Variants in VIP observed in about 807,000 individuals in gnomAD.
VIP encodes the protein vasoactive intestinal peptide.
VIP carries 18 observed loss-of-function variants against 20.1 expected under a neutral mutation model. The observed-to-expected ratio is 0.90, with a 90% CI of 0.62 to 1.33. The LOEUF (loss-of-function observed/expected upper bound fraction) is 1.33. VIP is among the 40% of genes most tolerant of loss of function. The pLI, the probability that VIP is intolerant of heterozygous loss-of-function variation, is 0.00. For synonymous variants in VIP, 70 were observed against 68.1 expected (o/e 1.03, Z -0.14); for missense variants, 209 against 199.4 (o/e 1.05, Z -0.29).
intron 5 of VIP, 151 bp from the exon 6 acceptor site, chr6:152,756,945 A>G (rs1225149548): frequency 3.4e-6 from 2 of 596,182 alleles, no homozygotes; most frequent in East Asian, 2.9e-5. Flanking sequence ...TGAATAATTC[A>G]TAGGTACTAA....
chr6:152,751,411 A>G (rs2099729611), intron 1 of VIP, among the ~76,000 whole-genome samples: 1 of 152,138 alleles, frequency 6.6e-6, no homozygotes, highest in African/African-American at 2.4e-5. Flanking sequence ...CAGCAAGAGA[A>G]ACAGACCTTA....
intron 5 of VIP, 65 bp downstream of exon 5, chr6:152,756,330 A>G: frequency 6.5e-7 from 1 of 1,536,978 alleles, no homozygotes; most frequent in Non-Finnish European, 8.8e-7. Context: ...GAAGCTGCAC[A>G]TGGAGACCTC....
Position 152,757,135 on chromosome 6 carries a change from A to C in VIP, c.507A>C (p.Glu169Asp). ...CTCCCGACTTTCCAGAAGAGTTAGA[A>C]AAATGATGAAAAAGACCTTTGGAGC... ...GESPDFPEELEK is the reference protein window; with the variant it reads ...GESPDFPEELDK Residue 169 changes from glutamate to aspartate, a missense_variant, in exon 6 of 7, where the codon GAA becomes GAC. Physicochemically the swap from Glu to Asp is conservative, Grantham distance 45. Transcript: ENST00000367244. 1 of 1,611,776 alleles carries C rather than the reference A, an allele frequency of 6.2e-7. No homozygotes were observed. The highest frequency in any genetic ancestry group is 8.5e-7 in the Non-Finnish European group (1 of 1,178,628).
intron 2 of VIP, among the ~76,000 whole-genome samples, chr6:152,753,391 A>C (rs978743959): frequency 6.6e-6 from 1 of 152,136 alleles, no homozygotes; most frequent in Admixed American, 6.6e-5. Context: ...CTGCACACAC[A>C]AAATTATAAG....
chr6:152,751,670 T>A (rs1233026841), intron 1 of VIP, among the ~76,000 whole-genome samples: 1 of 152,126 alleles, frequency 6.6e-6, no homozygotes, highest in Admixed American at 6.6e-5. Flanking sequence ...ATATACAAAA[T>A]CTTTTTTAAA....
At chr6:152,756,015 T>G in intron 4 of VIP, 119 bp from the exon 5 acceptor site, 1 of 1,093,916 alleles carries the variant, frequency 9.1e-7, no homozygotes, top group Non-Finnish European at 1.2e-6. Context: ...AGTCTTTTTA[T>G]GATAGAAAAT....
intron 3 of VIP, 45 bp from the exon 4 acceptor site, chr6:152,755,224 A>G (rs1020039252): frequency 2.3e-6 from 3 of 1,276,602 alleles, no homozygotes; most frequent in African/African-American, 1.5e-5. Context: ...ATATTCTAGA[A>G]AGCCATTTAC....
At chr6:152,756,079 G>A (rs1351017926) in intron 4 of VIP, 55 bp from the exon 5 acceptor site, 12 of 1,444,456 alleles carry the variant, frequency 8.3e-6, no homozygotes, top group Non-Finnish European at 1.1e-5. Flanking sequence ...GAACATGTGT[G>A]TATTTATCAT....
At chr6:152,753,423 G>A (rs2129074298) in intron 2 of VIP, among the ~76,000 whole-genome samples, 1 of 152,126 alleles carries the variant, frequency 6.6e-6, no homozygotes, top group Non-Finnish European at 1.5e-5. Flanking sequence ...ATTGAAATAT[G>A]CATGCATCCA....
intron 5 of VIP, 100 bp downstream of exon 5, chr6:152,756,365 TACGTGAAGC>T: frequency 7.6e-7 from 1 of 1,323,950 alleles, no homozygotes. Flanking sequence ...CTAGCTATAC[TACGTGAAGC>T]AGTGATTTTC....
In VIP at chr6:152,756,222, G is replaced by T. The variant is rs2099730405; in HGVS notation, c.424G>T (p.Ala142Ser). ...DNYTRLRKQM[A>S]VKKYLNSILN... ...CTATACCCGCCTTAGAAAACAAATGGCTGTAAAGAAATATTTGAACTCAAT... is the reference window on the plus strand; with the variant it reads ...CTATACCCGCCTTAGAAAACAAATGTCTGTAAAGAAATATTTGAACTCAAT... The change falls in exon 5 of 7, where the codon GCT (alanine) becomes TCT (serine). Residue 142 changes from alanine (A) to serine (S), a missense_variant. Ala to Ser is a moderately conservative substitution (Grantham distance 99). Coordinates refer to ENST00000367244, the MANE Select transcript of VIP (RefSeq NM_003381.4). 2 of 1,611,408 alleles carry T rather than the reference G, an allele frequency of 1.2e-6. No homozygotes were observed.
chr6:152,752,815 C>G (rs2099729848), intron 2 of VIP, among the ~76,000 whole-genome samples: 1 of 151,974 alleles, frequency 6.6e-6, no homozygotes, highest in Non-Finnish European at 1.5e-5. Context: ...ATACACTCCC[C>G]CAATAGGAAA....
At chr6:152,756,878 C>A (rs574079899) in intron 5 of VIP, among the ~76,000 whole-genome samples, 1 of 151,784 alleles carries the variant, frequency 6.6e-6, no homozygotes, top group South Asian at 2.1e-4. Context: ...ACAAGATGAC[C>A]TCTTTGCCCA....
intron 4 of VIP, among the ~76,000 whole-genome samples, chr6:152,755,812 G>GTT (rs113416868): frequency 6.7e-6 from 1 of 148,392 alleles, no homozygotes; most frequent in African/African-American, 2.5e-5. Flanking sequence ...AAGTAATTAT[G>GTT]TTTTTTTTAA....
rs772067507 is a variant in VIP, at chr6:152,757,183, TG to T, written c.*43+1del. 3 of 1,594,024 alleles carry T rather than the reference TG, an allele frequency of 1.9e-6. No individual in the cohort carries two copies. Among genetic ancestry groups the T allele is most frequent in the Middle Eastern group, 1.7e-4 (1 of 6,028 alleles). On this transcript the variant is annotated splice_region_variant and 3_prime_UTR_variant, in exon 6 of 7. Transcript: ENST00000367244. ...AGCAAAGCTGATGACAACTTCCCAGTGGTGGGTATATTCGTGCATTCCTTCT... is the reference window on the plus strand; with the variant it reads ...AGCAAAGCTGATGACAACTTCCCAGTGTGGGTATATTCGTGCATTCCTTCT...
In VIP at chr6:152,756,037, G is replaced by C. The variant is rs1043028850; in HGVS notation, c.336-97G>C. On this transcript the variant is annotated intron_variant, in intron 4 of 6. Transcript: ENST00000367244. ...TTATGATAGAAAATTAGTTGGGTGG[G>C]AATTGCTTTTTATGTGGCTCCAAGA... is the stretch of plus-strand genomic sequence containing the variant. The C allele has an allele frequency of 1.3e-5, 17 of 1,290,638 alleles. No homozygotes were observed. In the Admixed American group the frequency reaches 4.6e-4, roughly 35 times the overall value. 79.9% of individuals were successfully genotyped at this position (1,290,638 alleles called of 1,614,324 possible).
At chr6:152,751,420 T>C (rs1043448923) in intron 1 of VIP, among the ~76,000 whole-genome samples, 1 of 152,144 alleles carries the variant, frequency 6.6e-6, no homozygotes, top group African/African-American at 2.4e-5. Flanking sequence ...AAACAGACCT[T>C]ACTCCTAGGC....
intron 6 of VIP, among the ~76,000 whole-genome samples, chr6:152,757,938 G>GGGC (rs1185839023): frequency 2.6e-5 from 4 of 151,706 alleles, no homozygotes; most frequent in African/African-American, 4.8e-5. Context: ...CTATAATACT[G>GGGC]GGCAAGTGCT....
At chr6:152,751,079 A>G (rs1218071180) in intron 1 of VIP, 120 bp downstream of exon 1, 1 of 152,190 alleles carries the variant, frequency 6.6e-6, no homozygotes, top group Non-Finnish European at 1.5e-5. Context: ...TTGCAACAGC[A>G]AAAAACAAGT....
Sources: allele counts gnomAD v4.1 joint callset (sites outside exome capture counted in the v4.1 genomes callset), GRCh38; gene constraint gnomAD v4.1.1; transcripts MANE v1.5; gene names NCBI Gene and HGNC (gene_info 2026-07-23, HGNC 2026-07-21).